Variants in KHDRBS1 observed in about 807,000 individuals in gnomAD.
KHDRBS1 encodes the protein KH domain-containing, RNA-binding, signal transduction-associated protein 1.
A neutral mutation model predicts 48.4 loss-of-function variants in KHDRBS1; 7 were observed. The observed-to-expected ratio is 0.14, with a 90% CI of 0.08 to 0.27. The LOEUF is 0.27. Ranked by LOEUF, KHDRBS1 falls within the 10% of genes least tolerant of loss-of-function variation. The pLI is 1.00. For synonymous variants in KHDRBS1, 241 were observed against 235.8 expected (o/e 1.02, Z -0.20); for missense variants, 458 against 601.2 (o/e 0.76, Z 2.49).
chr1:32,053,732 T>C (rs1419265833), intron 10 of KHDRBS1, among the ~76,000 whole-genome samples: 1 of 152,116 alleles, frequency 6.6e-6, no homozygotes, highest in Admixed American at 6.5e-5. Flanking sequence ...ATTTGTAAAA[T>C]GGGGATAATA....
At chr1:32,027,492 G>A (rs1202613841) in intron 1 of KHDRBS1, among the ~76,000 whole-genome samples, 1 of 152,196 alleles carries the variant, frequency 6.6e-6, no homozygotes, top group Non-Finnish European at 1.5e-5. Context: ...ACTGTTGAAT[G>A]AAGCATTACT....
chr1:32,051,960 A>G (rs1384280904), intron 10 of KHDRBS1, among the ~76,000 whole-genome samples: 3 of 152,190 alleles, frequency 2.0e-5, no homozygotes, highest in Admixed American at 2.0e-4. Flanking sequence ...TGGCAGTACT[A>G]CTAGTAAGTA....
chr1:32,038,078 G>A lies in KHDRBS1; in HGVS notation c.1107+42G>A, dbSNP rs769501791. The A allele has an allele frequency of 8.7e-6, 14 of 1,605,808 alleles. No homozygotes were observed. In the African/African-American group the frequency reaches 1.6e-4, roughly 18 times the overall value. On this transcript the variant is annotated intron_variant, in intron 6 of 8. Transcript: ENST00000327300. ...ATGTGCCATTTCCCAGTACCTAGAA[G>A]GCTGCTAAAGGAAGTTGAATGACAG...
intron 1 of KHDRBS1, among the ~76,000 whole-genome samples, chr1:32,024,921 T>TGTCACTATGCTTCAGC (rs1553222164): frequency 1.3e-5 from 2 of 151,282 alleles, no homozygotes; most frequent in Non-Finnish European, 2.9e-5. Context: ...ACTATGATGG[T>TGTCACTATGCTTCAGC]GTCACTATGC....
rs1321754930 is a variant in KHDRBS1, at chr1:32,014,156, G to A, written c.161G>A (p.Gly54Asp). 1 of 1,302,874 alleles carries A rather than the reference G, an allele frequency of 7.7e-7. No individual in the cohort carries two copies. The allele number at this position is 1,302,874 out of a possible 1,614,324, so 80.7% of individuals were successfully genotyped here. ...GGAGGCGGAGGGGGATCCCGCGGGG[G>A]CGCCCGGGCCTCGCCCGCCACGCAG... ...SRGGGGGSRGGARASPATQPP... is the reference protein window; with the variant it reads ...SRGGGGGSRGDARASPATQPP... The change falls in exon 1 of 9, where the codon GGC becomes GAC. Residue 54 changes from glycine to aspartate, a missense_variant. Coordinates refer to ENST00000327300, the MANE Select transcript of KHDRBS1 (RefSeq NM_006559.3).
chr1:32,030,829 C>CT (rs59591822), intron 2 of KHDRBS1, among the ~76,000 whole-genome samples: 7,297 of 149,578 alleles, frequency 0.049, 592 homozygotes, highest in African/African-American at 0.17. Flanking sequence ...TAAGTAAATG[C>CT]TTTTTTTCTT....
chr1:32,047,478 C>A (rs575771335), downstream of KHDRBS1, among the ~76,000 whole-genome samples: 2 of 152,174 alleles, frequency 1.3e-5, no homozygotes, highest in Non-Finnish European at 2.9e-5. Flanking sequence ...ACTTTTATTA[C>A]AATTCTGTAA....
At chr1:32,045,452 A>T (rs527698643), downstream of KHDRBS1, 1 of 152,726 alleles carries the variant, frequency 6.5e-6, no homozygotes, top group South Asian at 2.1e-4. Flanking sequence ...TAAAACAGTT[A>T]TGCTAGGAGG....
chr1:32,059,375 A>G (rs1474238204), intron 10 of KHDRBS1, among the ~76,000 whole-genome samples: 5 of 151,818 alleles, frequency 3.3e-5, no homozygotes, highest in African/African-American at 9.7e-5. Context: ...TGAGCAACAT[A>G]TGGAGACAAA....
chr1:32,056,137 C>G (rs1639477341), intron 10 of KHDRBS1, among the ~76,000 whole-genome samples: 1 of 152,090 alleles, frequency 6.6e-6, no homozygotes, highest in Non-Finnish European at 1.5e-5. Context: ...GTGACTGTAC[C>G]TCTCATTCCT....
Position 32,014,164 on chromosome 1 carries a change from G to A in KHDRBS1, c.169G>A (p.Ala57Thr). Residue 57 changes from alanine (A) to threonine (T), a missense_variant, in exon 1 of 9, where the codon GCC (alanine) becomes ACC (threonine). Around this residue, in one of 3 missense-constraint regions of KHDRBS1, gnomAD observed 213 missense variants for 215.6 expected, o/e 0.99. Transcript: ENST00000327300. ...AGGGGGATCCCGCGGGGGCGCCCGG[G>A]CCTCGCCCGCCACGCAGCCGCCACC... ...GGGGSRGGAR[A>T]SPATQPPPLL... The A allele has an allele frequency of 7.7e-7, 1 of 1,305,860 alleles. No homozygotes were observed. The highest frequency in any genetic ancestry group is 9.7e-7 in the Non-Finnish European group (1 of 1,027,234). 80.9% of individuals were successfully genotyped at this position (1,305,860 alleles called of 1,614,324 possible). A position where few individuals can be genotyped will look rare whatever the true frequency, so the allele number is the denominator to read the frequency against.
intron 3 of KHDRBS1, 59 bp from the exon 4 acceptor site, chr1:32,033,129 G>T (rs1449945954): frequency 1.4e-5 from 20 of 1,394,100 alleles, no homozygotes; most frequent in Non-Finnish European, 1.9e-5. Flanking sequence ...TGGCTTAGAG[G>T]TAAAGGTGGT....
At chr1:32,054,329 G>GT (rs1639455593) in intron 10 of KHDRBS1, 1 of 152,152 alleles carries the variant, frequency 6.6e-6, no homozygotes, top group African/African-American at 2.4e-5. Context: ...CTTTGTGGGA[G>GT]AGTGAAGGGG....
At chr1:32,024,321 T>C (rs554204983) in intron 1 of KHDRBS1, among the ~76,000 whole-genome samples, 1 of 152,070 alleles carries the variant, frequency 6.6e-6, no homozygotes, top group East Asian at 1.9e-4. Context: ...TTATTAATTT[T>C]TTTTTAGAGA....
At chr1:32,029,809 T>C (rs1285508295) in intron 1 of KHDRBS1, among the ~76,000 whole-genome samples, 1 of 152,234 alleles carries the variant, frequency 6.6e-6, no homozygotes, top group African/African-American at 2.4e-5. Context: ...GTCACACGAC[T>C]AGTGAGTAGC....
At chr1:32,047,118 C>T (rs948309018), downstream of KHDRBS1, among the ~76,000 whole-genome samples, 2 of 152,148 alleles carry the variant, frequency 1.3e-5, no homozygotes, top group African/African-American at 2.4e-5. Flanking sequence ...GCCCATTGAT[C>T]CAAGTGTTTT....
chr1:32,033,170 C>T lies in KHDRBS1; in HGVS notation c.625-18C>T. On this transcript the variant is annotated intron_variant, in intron 3 of 8. Transcript: ENST00000327300. ...CTCCCTAGTCCATGGTGTGACATTT[C>T]TCTGCATTTTTCCATAGGAGGAAGA... 1 of 1,609,634 alleles carries T rather than the reference C, an allele frequency of 6.2e-7. No homozygotes were observed. Among genetic ancestry groups the T allele is most frequent in the East Asian group, 2.2e-5 (1 of 44,832 alleles).
intron 10 of KHDRBS1, among the ~76,000 whole-genome samples, chr1:32,053,241 C>T (rs1639444379): frequency 6.6e-6 from 1 of 152,112 alleles, no homozygotes; most frequent in Non-Finnish European, 1.5e-5. Flanking sequence ...ACCAGGGAGC[C>T]TGGAGGAGCT....
At chr1:32,060,488 A>G (rs532748443) in exon 11 of KHDRBS1, 1 of 152,086 alleles carries the variant, frequency 6.6e-6, no homozygotes, top group South Asian at 2.1e-4. Flanking sequence ...CATTCCCAGT[A>G]TGTGTGCTTC....
Sources: allele counts gnomAD v4.1 joint callset (sites outside exome capture counted in the v4.1 genomes callset), GRCh38; gene constraint gnomAD v4.1.1; regional missense constraint gnomAD v4.1.1; transcripts MANE v1.5; gene names NCBI Gene and HGNC (gene_info 2026-07-23, HGNC 2026-07-21).